The following PCDHA9 variants were observed in gnomAD, a reference collection of about 807,000 sequenced individuals.
PCDHA9 encodes protocadherin alpha-9.
A neutral mutation model predicts 62.0 loss-of-function variants in PCDHA9; 62 were observed. The ratio of observed to expected loss-of-function variants is 1.00; its 90% CI spans 0.81 to 1.23. The LOEUF is 1.23. Among genes scored for constraint, PCDHA9 ranks in the 50% most tolerant of loss-of-function variants. The pLI, the probability that PCDHA9 is intolerant of heterozygous loss-of-function variation, is 0.00. For synonymous variants in PCDHA9, 557 were observed against 567.6 expected, an observed-to-expected ratio of 0.98 and a Z score of 0.27; for missense variants, 1,205 against 1,249.8, an observed-to-expected ratio of 0.96 and a Z score of 0.54.
intron 1 of PCDHA9, among the ~76,000 whole-genome samples, chr5:140,875,148 G>T (rs1267290548): frequency 2.0e-5 from 3 of 152,118 alleles, no homozygotes; most frequent in Non-Finnish European, 4.4e-5. Context: ...TAAATGATCC[G>T]TGAAAAATAA....
intron 1 of PCDHA9, among the ~76,000 whole-genome samples, chr5:140,891,044 C>G (rs1167178710): frequency 6.6e-6 from 1 of 152,030 alleles, no homozygotes; most frequent in Non-Finnish European, 1.5e-5. Flanking sequence ...GTGTGACCCC[C>G]ACAGCACATA....
chr5:140,870,944 C>A (rs1554164906), intron 1 of PCDHA9: 1 of 1,613,540 alleles, frequency 6.2e-7, no homozygotes, highest in Admixed American at 1.7e-5. Context: ...CAGCCGGCGG[C>A]GGGCGGCTCG....
chr5:140,898,056 T>A (rs1330796298), intron 1 of PCDHA9, among the ~76,000 whole-genome samples: 5 of 152,202 alleles, frequency 3.3e-5, no homozygotes, highest in Admixed American at 3.3e-4. Context: ...TTCTTGTAAA[T>A]TTGTTTGAGT....
chr5:140,849,820 C>A lies in PCDHA9; in HGVS notation c.1325C>A (p.Ser442Tyr), dbSNP rs2150451868. Residue 442 changes from serine to tyrosine, a missense_variant, in exon 1 of 4, where the codon TCT becomes TAT. By Grantham distance (144) the Ser-to-Tyr change is moderately radical. Transcript: ENST00000532602. ...SPSLWATARV[S>Y]VEVADVNDNA... ...TCACTGTGGGCCACGGCCAGGGTGT[C>A]TGTGGAGGTGGCCGACGTGAACGAC... 1 of 1,598,424 alleles carries A rather than the reference C, an allele frequency of 6.3e-7. No homozygotes were observed. The highest frequency in any genetic ancestry group is 1.1e-5 in the South Asian group (1 of 90,526).
chr5:140,969,907 G>A (rs2096367708), intron 1 of PCDHA9, among the ~76,000 whole-genome samples: 1 of 152,204 alleles, frequency 6.6e-6, no homozygotes, highest in Non-Finnish European at 1.5e-5. Context: ...CATGTCACAA[G>A]TGATAAAGCT....
At chr5:140,876,597 G>A in intron 1 of PCDHA9, 1 of 1,614,160 alleles carries the variant, frequency 6.2e-7, no homozygotes, top group Non-Finnish European at 8.5e-7. Flanking sequence ...TTAGCGTGTC[G>A]GATCGTGACT....
At chr5:140,862,618 C>CCG in intron 1 of PCDHA9, 1 of 526,556 alleles carries the variant, frequency 1.9e-6, no homozygotes, top group Non-Finnish European at 3.9e-6. Context: ...AGGTAACAAC[C>CCG]CGCGGGGCTG....
chr5:141,007,831 C>T (rs1347788424), intron 3 of PCDHA9, among the ~76,000 whole-genome samples: 2 of 152,296 alleles, frequency 1.3e-5, no homozygotes, highest in East Asian at 3.9e-4. Context: ...CAAGTAGCTA[C>T]CCATTAGAGA....
At chr5:140,864,608 T>C (rs1180007033) in intron 1 of PCDHA9, 3 of 152,188 alleles carry the variant, frequency 2.0e-5, no homozygotes, top group Non-Finnish European at 4.4e-5. Context: ...GCCAACAACT[T>C]TGTTCTTTTT....
At position 140,982,572 on chromosome 5, in the gene PCDHA9, C is replaced by G. The variant is rs782271002; in HGVS notation, c.2542+9C>G. 1 of 1,613,760 alleles carries G rather than the reference C, an allele frequency of 6.2e-7. No homozygotes were observed. Among genetic ancestry groups the G allele is most frequent in the Non-Finnish European group, 8.5e-7 (1 of 1,179,726 alleles). On this transcript the variant is annotated intron_variant, in intron 3 of 3. Transcript: ENST00000532602. ...ATCCAGTGCAACACCAGGTAAAGAGCTGGGGTCTCTCCATTCTTTCTTGGT... is the reference window on the plus strand; with the variant it reads ...ATCCAGTGCAACACCAGGTAAAGAGGTGGGGTCTCTCCATTCTTTCTTGGT...
intron 1 of PCDHA9, chr5:140,875,679 A>T (rs1554167850): frequency 4.3e-6 from 7 of 1,613,916 alleles, no homozygotes; most frequent in Non-Finnish European, 8.5e-7. Context: ...TGGCGTCCAA[A>T]AGACACGGGG....
rs2150445484 is a variant in PCDHA9, at chr5:140,849,697, A to T, written c.1202A>T (p.Tyr401Phe). The T allele has an allele frequency of 1.8e-5, 29 of 1,598,622 alleles. 2 individuals carry two copies. Among genetic ancestry groups the T allele is most frequent in the Middle Eastern group, 1.7e-4 (1 of 5,912 alleles). ...PHVPFKLVST[Y>F]KNYYSLVLDR... is the part of the protein sequence containing the mutation. ...GTCCCCTTCAAGCTGGTGTCCACCTACAAGAATTACTACTCGTTGGTGCTG... is the reference window on the plus strand; with the variant it reads ...GTCCCCTTCAAGCTGGTGTCCACCTTCAAGAATTACTACTCGTTGGTGCTG... Residue 401 changes from tyrosine (Y) to phenylalanine (F), a missense_variant, in exon 1 of 4, where the codon TAC becomes TTC. Physicochemically the swap from Tyr to Phe is conservative, Grantham distance 22. This residue lies in a region of PCDHA9 where 887 missense variants were observed against 809.5 expected (regional missense o/e 1.10). Coordinates refer to ENST00000532602, the MANE Select transcript of PCDHA9 (RefSeq NM_031857.2).
intron 1 of PCDHA9, among the ~76,000 whole-genome samples, chr5:140,918,360 G>A (rs1243919537): frequency 1.3e-5 from 2 of 152,082 alleles, no homozygotes; most frequent in African/African-American, 4.8e-5. Flanking sequence ...CTTCCTCTCT[G>A]CCTATTTGGA....
At chr5:140,955,929 C>T (rs567378851) in intron 1 of PCDHA9, among the ~76,000 whole-genome samples, 1 of 152,252 alleles carries the variant, frequency 6.6e-6, no homozygotes, top group East Asian at 1.9e-4. Flanking sequence ...GGAGTTCATT[C>T]ATAATATGGC....
chr5:140,927,042 G>T (rs548394870), intron 1 of PCDHA9: 7 of 1,612,270 alleles, frequency 4.3e-6, no homozygotes, highest in Non-Finnish European at 4.2e-6. Context: ...CGGCCGCTAT[G>T]TCCTCGCGGA....
intron 1 of PCDHA9, among the ~76,000 whole-genome samples, chr5:140,885,376 G>T (rs1242393742): frequency 6.6e-6 from 1 of 152,032 alleles, no homozygotes; most frequent in Non-Finnish European, 1.5e-5. Context: ...AGTACCTTTT[G>T]GCAGTCCCTG....
At chr5:140,929,690 C>A in intron 1 of PCDHA9, 1 of 278,482 alleles carries the variant, frequency 3.6e-6, no homozygotes, top group Non-Finnish European at 7.0e-6. Flanking sequence ...TAAGAGTCTG[C>A]TTTATATGAA....
intron 1 of PCDHA9, chr5:140,855,966 T>C (rs1554148056): frequency 7.0e-7 from 1 of 1,422,664 alleles, no homozygotes; most frequent in South Asian, 1.4e-5. Flanking sequence ...AAAATAGATA[T>C]AAGAAATAGG....
rs1439060369 is a variant in PCDHA9, at chr5:140,850,679, C to T, written c.2184C>T (p.Thr728=). Residue 728 remains threonine (T), a synonymous_variant, in exon 1 of 4, where the codon ACC becomes ACT. Transcript: ENST00000532602. ...YTVLRCSAMP[T]EGECAPGKPT... ...TGCTGCGGTGCTCGGCGATGCCCAC[C>T]GAGGGCGAGTGCGCGCCTGGCAAGC... The T allele has an allele frequency of 1.4e-5, 22 of 1,598,378 alleles. 1 individual carries two copies. The highest frequency in any genetic ancestry group is 3.4e-5 in the Admixed American group (2 of 59,276).
Sources: allele counts gnomAD v4.1 joint callset (sites outside exome capture counted in the v4.1 genomes callset), GRCh38; gene constraint gnomAD v4.1.1; regional missense constraint gnomAD v4.1.1; transcripts MANE v1.5; gene names NCBI Gene and HGNC (gene_info 2026-07-23, HGNC 2026-07-21).